The following MIS18A variants were observed in gnomAD, a reference collection of about 807,000 sequenced individuals.
The protein encoded by MIS18A is protein Mis18-alpha.
MIS18A carries 14 observed loss-of-function variants against 25.0 expected under a neutral mutation model. The observed-to-expected ratio is 0.56, with a 90% confidence interval of 0.37 to 0.88. The LOEUF is 0.88. Ranked by LOEUF, MIS18A falls within the 40% of genes least tolerant of loss-of-function variation. The pLI is 0.00. For missense variants in MIS18A, 292 were observed against 290.8 expected, an observed-to-expected ratio of 1.00 and a Z score of -0.03; for synonymous variants, 134 against 118.6, an observed-to-expected ratio of 1.13 and a Z score of -0.84.
At chr21:32,163,843 G>T in the MIS18A span, among the ~76,000 whole-genome samples, 1 of 152,168 alleles carries the variant, frequency 6.6e-6, no homozygotes, top group African/African-American at 2.4e-5. Flanking sequence ...TCATTTGTTT[G>T]TGTTGCTATA....
At chr21:32,265,873 C>T (rs537028368), downstream of MIS18A, among the ~76,000 whole-genome samples, 36 of 152,318 alleles carry the variant, frequency 2.4e-4, no homozygotes, top group Non-Finnish European at 4.1e-4. Context: ...CTGTGTTTAG[C>T]TCAAGGTTTG....
chr21:32,258,590 A>G, the MIS18A span, among the ~76,000 whole-genome samples: 1 of 152,164 alleles, frequency 6.6e-6, no homozygotes, highest in Non-Finnish European at 1.5e-5. Context: ...TGAGAGTGAT[A>G]CTAACCTACT....
At chr21:32,196,712 C>A in the MIS18A span, among the ~76,000 whole-genome samples, 1 of 152,102 alleles carries the variant, frequency 6.6e-6, no homozygotes, top group East Asian at 1.9e-4. Context: ...CCTTGGCCTC[C>A]CAAAGTGCTG....
chr21:32,199,242 G>T, the MIS18A span, among the ~76,000 whole-genome samples: 1 of 152,170 alleles, frequency 6.6e-6, no homozygotes, highest in Non-Finnish European at 1.5e-5. Flanking sequence ...GTGTGGAATA[G>T]ATTTCCAAGA....
At chr21:32,156,285 T>C in the MIS18A span, 1 of 152,236 alleles carries the variant, frequency 6.6e-6, no homozygotes, top group African/African-American at 2.4e-5. Flanking sequence ...TTTTATTTTA[T>C]TATGGAACTT....
In MIS18A at chr21:32,275,679, C is replaced by T. The variant is rs149507650; in HGVS notation, c.335-783G>A. On this transcript the variant is annotated intron_variant, in intron 1 of 4. Coordinates refer to ENST00000290130, the MANE Select transcript of MIS18A (RefSeq NM_018944.3). ...TGGCCAAAACAGACTCTTGATTTCA[C>T]GGCCTCCTACAGTCTACCTTAACTC... Among the ~76,000 whole-genome samples, 47 of 152,266 alleles carry T rather than the reference C, an allele frequency of 3.1e-4. 1 individual carries two copies. The highest frequency in any genetic ancestry group is 1.1e-3 in the African/African-American group (44 of 41,558).
the MIS18A span, among the ~76,000 whole-genome samples, chr21:32,206,899 G>A: frequency 6.6e-6 from 1 of 152,160 alleles, no homozygotes; most frequent in Non-Finnish European, 1.5e-5. Flanking sequence ...TCACACCACT[G>A]ATGCCTGGGA....
chr21:32,159,069 A>G, the MIS18A span, among the ~76,000 whole-genome samples: 1 of 152,144 alleles, frequency 6.6e-6, no homozygotes, highest in Non-Finnish European at 1.5e-5. Context: ...CTTGTTTTAT[A>G]CATAACCCTT....
At chr21:32,176,898 A>G in the MIS18A span, among the ~76,000 whole-genome samples, 4 of 152,172 alleles carry the variant, frequency 2.6e-5, no homozygotes, top group Admixed American at 1.3e-4. Flanking sequence ...CCATTTTATG[A>G]GGATGAAATA....
At chr21:32,185,398 G>C in the MIS18A span, among the ~76,000 whole-genome samples, 1 of 152,194 alleles carries the variant, frequency 6.6e-6, no homozygotes, top group African/African-American at 2.4e-5. Flanking sequence ...TGCTTCCAGA[G>C]GTAGTGCTCC....
At chr21:32,188,316 C>A in the MIS18A span, among the ~76,000 whole-genome samples, 1 of 152,348 alleles carries the variant, frequency 6.6e-6, no homozygotes, top group Non-Finnish European at 1.5e-5. Context: ...TTGGCAGTAG[C>A]CAGAATATCA....
chr21:32,218,940 C>T, the MIS18A span, among the ~76,000 whole-genome samples: 94 of 151,938 alleles, frequency 6.2e-4, no homozygotes, highest in African/African-American at 2.2e-3. Context: ...TGGTAGTGCG[C>T]ACCTGTAATC....
At chr21:32,203,613 CTTTTT>C in the MIS18A span, among the ~76,000 whole-genome samples, 73 of 85,374 alleles carry the variant, frequency 8.6e-4, no homozygotes, top group East Asian at 6.3e-3. Flanking sequence ...TTTTTAAATG[CTTTTT>C]TTTTTTTTTT....
At chr21:32,267,285 C>T (rs1421580280), downstream of MIS18A, among the ~76,000 whole-genome samples, 1 of 152,182 alleles carries the variant, frequency 6.6e-6, no homozygotes, top group Non-Finnish European at 1.5e-5. Flanking sequence ...CAGTGGAGAC[C>T]ATGTAATACA....
At chr21:32,211,124 T>C in the MIS18A span, among the ~76,000 whole-genome samples, 1 of 152,138 alleles carries the variant, frequency 6.6e-6, no homozygotes, top group Non-Finnish European at 1.5e-5. Flanking sequence ...CATTGCAACA[T>C]TTGCCTCCCG....
the MIS18A span, among the ~76,000 whole-genome samples, chr21:32,163,996 C>T: frequency 6.6e-6 from 1 of 151,986 alleles, no homozygotes; most frequent in Middle Eastern, 3.4e-3. Flanking sequence ...AGAGAAGAGG[C>T]GAGAGAGAGG....
chr21:32,162,145 T>C, the MIS18A span, among the ~76,000 whole-genome samples: 1 of 152,180 alleles, frequency 6.6e-6, no homozygotes, highest in African/African-American at 2.4e-5. Context: ...TTGAACCAAC[T>C]GTGGCTGCCT....
the MIS18A span, among the ~76,000 whole-genome samples, chr21:32,245,552 G>A: frequency 6.2e-4 from 95 of 152,310 alleles, 1 homozygote; most frequent in Middle Eastern, 6.9e-3. Flanking sequence ...CAGCTGGGAA[G>A]GAGGCAGCCA....
At chr21:32,278,271 G>A (rs1212068891) in intron 1 of MIS18A, 2 of 182,682 alleles carry the variant, frequency 1.1e-5, no homozygotes, top group African/African-American at 4.7e-5. Flanking sequence ...GGAGGCTGTA[G>A]AGGCATCCGC....
Sources: allele counts gnomAD v4.1 joint callset (sites outside exome capture counted in the v4.1 genomes callset), GRCh38; gene constraint gnomAD v4.1.1; transcripts MANE v1.5; gene names NCBI Gene and HGNC (gene_info 2026-07-23, HGNC 2026-07-21).